The following DOCK8 variants were observed in gnomAD, a reference collection of about 807,000 sequenced individuals.
DOCK8 encodes the protein dedicator of cytokinesis 8, also known as dedicator of cytokinesis protein 8.
In DOCK8, 141 loss-of-function variants were observed where a neutral mutation model predicts 245.6. The observed-to-expected ratio is 0.57, with a 90% CI of 0.50 to 0.66. The LOEUF is 0.66. Among genes scored for constraint, DOCK8 ranks in the 30% least tolerant of loss-of-function variants. DOCK8 has a pLI of 0.00. For missense variants in DOCK8, 2,965 were observed against 2,603.4 expected (o/e 1.14, Z -3.02); for synonymous variants, 1,168 against 970.2 (o/e 1.20, Z -3.79).
chr9:226,196 A>C (rs559147270), intron 1 of DOCK8, among the ~76,000 whole-genome samples: 45 of 152,306 alleles, frequency 3.0e-4, no homozygotes, highest in African/African-American at 1.1e-3. Flanking sequence ...GGCATATCTT[A>C]AACGGCGGCA....
intron 15 of DOCK8, 198 bp downstream of exon 15, chr9:368,333 T>G: frequency 1.4e-6 from 1 of 728,294 alleles, no homozygotes; most frequent in South Asian, 1.4e-5. Flanking sequence ...TTTCTCGGCT[T>G]ATTCTGTAGT....
At chr9:428,247 T>C in intron 34 of DOCK8, 115 bp from the exon 35 acceptor site, 1 of 1,550,958 alleles carries the variant, frequency 6.4e-7, no homozygotes, top group Non-Finnish European at 8.8e-7. Flanking sequence ...CTCACCAAAC[T>C]CTTAAGACTC....
At chr9:389,862 G>GA (rs1487415833) in intron 23 of DOCK8, among the ~76,000 whole-genome samples, 1 of 151,246 alleles carries the variant, frequency 6.6e-6, no homozygotes, top group African/African-American at 2.4e-5. Flanking sequence ...CAAAAAAAAA[G>GA]AAAAAAGAAA....
intron 25 of DOCK8, among the ~76,000 whole-genome samples, chr9:397,823 G>A (rs1037930230): frequency 6.6e-6 from 1 of 152,170 alleles, no homozygotes; most frequent in South Asian, 2.1e-4. Flanking sequence ...TATGTTCATA[G>A]AATGATAAAA....
intron 9 of DOCK8, among the ~76,000 whole-genome samples, chr9:330,927 T>A (rs2050981343): frequency 6.6e-6 from 1 of 152,228 alleles, no homozygotes; most frequent in African/African-American, 2.4e-5. Context: ...TCTGCTGGTC[T>A]GGTCAAATCT....
chr9:219,882 G>T (rs2046844676), intron 1 of DOCK8, among the ~76,000 whole-genome samples: 2 of 152,106 alleles, frequency 1.3e-5, no homozygotes, highest in Admixed American at 1.3e-4. Flanking sequence ...GAGTGACAGA[G>T]CGAGACTCTA....
At chr9:394,732 T>A (rs73641543) in intron 24 of DOCK8, among the ~76,000 whole-genome samples, 2,335 of 152,370 alleles carry the variant, frequency 0.015, 49 homozygotes, top group African/African-American at 0.053. Context: ...GTACCCTTAC[T>A]TTAAATGGGC....
chr9:256,402 A>G (rs978409930), intron 1 of DOCK8, among the ~76,000 whole-genome samples: 1 of 152,154 alleles, frequency 6.6e-6, no homozygotes, highest in Non-Finnish European at 1.5e-5. Flanking sequence ...TTGATCCGGT[A>G]CCCAATTCGT....
intron 4 of DOCK8, among the ~76,000 whole-genome samples, chr9:298,219 G>A (rs2049350359): frequency 1.3e-5 from 2 of 152,194 alleles, no homozygotes; most frequent in African/African-American, 4.8e-5. Context: ...GAGGTCAGGA[G>A]TTCGAGACCA....
In DOCK8 at chr9:263,032, C is replaced by T. The variant is rs563609455; in HGVS notation, c.54-8595C>T. 2.8e-4 allele frequency among the ~76,000 whole-genome samples: 43 copies of T among 152,120 alleles called. No individual in the cohort carries two copies. The East Asian group carries it at 5.8e-3, about 21-fold the overall frequency. On this transcript the variant is annotated intron_variant, in intron 1 of 47. Coordinates refer to ENST00000432829, the MANE Select transcript of DOCK8 (RefSeq NM_203447.4). ...GACCAGCCTAGCCAACGTGGTGAAA[C>T]CCCGTCTTTACTAAGAATACAAAAA...
chr9:278,392 T>C (rs1013425055), intron 2 of DOCK8, among the ~76,000 whole-genome samples: 7 of 152,254 alleles, frequency 4.6e-5, no homozygotes, highest in African/African-American at 1.7e-4. Context: ...TCATTCGTTT[T>C]AGAAATATGT....
chr9:308,818 C>T lies in DOCK8; in HGVS notation c.529-3136C>T, dbSNP rs111304735. On this transcript the variant is annotated intron_variant, in intron 5 of 47. Transcript: ENST00000432829. ...GACTACAGGCATGTGCCACGACACC[C>T]GGCTAATTTTTTGTATTTTTAGTAG... Among the ~76,000 whole-genome samples, 161 of 152,184 alleles carry T rather than the reference C, an allele frequency of 1.1e-3. 1 individual carries two copies. The highest frequency in any genetic ancestry group is 3.7e-3 in the African/African-American group (153 of 41,540).
intron 14 of DOCK8, among the ~76,000 whole-genome samples, chr9:358,400 C>A (rs577398843): frequency 6.6e-6 from 1 of 152,296 alleles, no homozygotes; most frequent in East Asian, 1.9e-4. Context: ...AACTGCTTCC[C>A]ATTCTAAAAA....
intron 26 of DOCK8, 62 bp from the exon 27 acceptor site, chr9:404,856 C>T (rs1325871580): frequency 6.3e-7 from 1 of 1,588,430 alleles, no homozygotes; most frequent in Non-Finnish European, 8.6e-7. Flanking sequence ...TTGTGTCTGC[C>T]AACCTCAACT....
intron 25 of DOCK8, among the ~76,000 whole-genome samples, chr9:397,874 A>C (rs1400475567): frequency 2.6e-5 from 4 of 152,348 alleles, no homozygotes; most frequent in Admixed American, 2.6e-4. Flanking sequence ...GCTTCGTTAA[A>C]GGGTATACAG....
intron 18 of DOCK8, among the ~76,000 whole-genome samples, chr9:372,588 T>G (rs2053341396): frequency 6.6e-6 from 1 of 152,214 alleles, no homozygotes; most frequent in African/African-American, 2.4e-5. Flanking sequence ...CCATTCATAG[T>G]AAACAACTGT....
At chr9:225,855 G>A (rs1370839103) in intron 1 of DOCK8, among the ~76,000 whole-genome samples, 1 of 152,066 alleles carries the variant, frequency 6.6e-6, no homozygotes, top group Non-Finnish European at 1.5e-5. Context: ...ATCAAGCAGG[G>A]GAATGACGAA....
chr9:426,530 G>A (rs997577704), intron 33 of DOCK8, among the ~76,000 whole-genome samples: 11 of 152,188 alleles, frequency 7.2e-5, no homozygotes, highest in African/African-American at 1.4e-4. Flanking sequence ...GTTTTCATGC[G>A]TGAAATACAG....
At chr9:420,105 A>G (rs2056213061) in intron 30 of DOCK8, 5 of 461,456 alleles carry the variant, frequency 1.1e-5, no homozygotes. Context: ...CCCAGGGGTG[A>G]TCACCAGGCC....
Sources: gnomAD v4.1 joint callset for allele counts (sites outside exome capture counted in the v4.1 genomes callset) on GRCh38, gnomAD v4.1.1 for gene constraint, MANE v1.5 for transcripts, NCBI Gene and HGNC (gene_info 2026-07-23, HGNC 2026-07-21) for gene names.